Variants in PDE4D observed in about 807,000 individuals in gnomAD.
PDE4D encodes the protein phosphodiesterase 4D.
Under a neutral mutation model 87.4 loss-of-function variants are expected in PDE4D, and 24 were observed. The ratio of observed to expected loss-of-function variants is 0.27; its 90% CI spans 0.20 to 0.39. The LOEUF (loss-of-function observed/expected upper bound fraction) is 0.39. PDE4D is among the 10% of genes least tolerant of loss of function. The pLI, the probability that PDE4D is intolerant of heterozygous loss-of-function variation, is 1.00. For synonymous variants in PDE4D, 384 were observed against 383.2 expected (o/e 1.00, Z -0.02); for missense variants, 714 against 1,041.0 (o/e 0.69, Z 4.32).
intron 5 of PDE4D, among the ~76,000 whole-genome samples, chr5:59,074,102 T>C (rs1228058447): frequency 6.6e-6 from 1 of 152,164 alleles, no homozygotes; most frequent in African/African-American, 2.4e-5. Context: ...TAAACAAATA[T>C]ACTGATTCAA....
intron 1 of PDE4D, among the ~76,000 whole-genome samples, chr5:59,764,278 C>T (rs1242819542): frequency 6.6e-6 from 1 of 152,116 alleles, no homozygotes; most frequent in Non-Finnish European, 1.5e-5. Flanking sequence ...AAAAAAAATA[C>T]TAGCTTATAA....
intron 2 of PDE4D, among the ~76,000 whole-genome samples, chr5:60,063,288 T>C (rs1216002084): frequency 6.6e-6 from 1 of 152,164 alleles, no homozygotes. Flanking sequence ...AGTGATTCTT[T>C]CTTAACTTTA....
At chr5:60,428,701 C>A (rs1275374031) in intron 1 of PDE4D, among the ~76,000 whole-genome samples, 1 of 152,160 alleles carries the variant, frequency 6.6e-6, no homozygotes, top group Non-Finnish European at 1.5e-5. Context: ...ATGTAGGTAT[C>A]CTTGGCCCCA....
intron 5 of PDE4D, among the ~76,000 whole-genome samples, chr5:59,176,939 A>G (rs1783990393): frequency 6.6e-6 from 1 of 152,140 alleles, no homozygotes; most frequent in Non-Finnish European, 1.5e-5. Flanking sequence ...AAGCGCATCC[A>G]TTTTGGCCAA....
chr5:58,983,727 C>T (rs985348855), intron 11 of PDE4D, among the ~76,000 whole-genome samples: 1 of 152,184 alleles, frequency 6.6e-6, no homozygotes, highest in Non-Finnish European at 1.5e-5. Flanking sequence ...GGCCCATGTG[C>T]AGAGCAGCTT....
At chr5:60,058,586 G>A (rs1398349153) in intron 2 of PDE4D, among the ~76,000 whole-genome samples, 2 of 151,842 alleles carry the variant, frequency 1.3e-5, no homozygotes, top group South Asian at 2.1e-4. Context: ...GGGAAGAGAA[G>A]ATGAAATAAA....
intron 5 of PDE4D, among the ~76,000 whole-genome samples, chr5:59,048,476 T>G (rs1761054511): frequency 6.6e-6 from 1 of 152,316 alleles, no homozygotes; most frequent in Middle Eastern, 3.4e-3. Context: ...TCATTTATTA[T>G]CTGATTTCTG....
chr5:60,187,009 T>C (rs905502616), intron 1 of PDE4D, among the ~76,000 whole-genome samples: 13 of 152,092 alleles, frequency 8.5e-5, no homozygotes, highest in African/African-American at 3.1e-4. Flanking sequence ...AACAGCAAAG[T>C]AGAGGTAGAA....
At chr5:59,575,167 A>G (rs140969366) in intron 1 of PDE4D, among the ~76,000 whole-genome samples, 82 of 152,308 alleles carry the variant, frequency 5.4e-4, no homozygotes, top group African/African-American at 1.9e-3. Context: ...AAGAGATATT[A>G]GGGAGATGAT....
intron 1 of PDE4D, among the ~76,000 whole-genome samples, chr5:59,390,172 GAAAA>G (rs574685722): frequency 6.6e-6 from 1 of 151,928 alleles, no homozygotes; most frequent in East Asian, 1.9e-4. Flanking sequence ...TGAATTGTAA[GAAAA>G]AAAGAGAAGA....
At chr5:59,474,209 A>C (rs762266419) in intron 1 of PDE4D, among the ~76,000 whole-genome samples, 2 of 152,084 alleles carry the variant, frequency 1.3e-5, no homozygotes, top group Non-Finnish European at 2.9e-5. Context: ...CTAGTATTTT[A>C]TTTCTTTTAA....
intron 1 of PDE4D, among the ~76,000 whole-genome samples, chr5:59,442,095 T>C (rs577422856): frequency 9.2e-5 from 14 of 152,302 alleles, no homozygotes; most frequent in African/African-American, 3.1e-4. Context: ...AGATTATGGC[T>C]AGTTTTGTGT....
Position 58,977,303 on chromosome 5 carries a change from T to C in PDE4D, c.1595A>G (p.Glu532Gly). Residue 532 changes from glutamate to glycine, a missense_variant, in exon 12 of 15, where the codon GAG (glutamate) becomes GGG (glycine). Physicochemically the swap from Glu to Gly is moderately conservative, Grantham distance 98 (BLOSUM62 -2). This residue lies in a region of PDE4D where 26 missense variants were observed against 96.9 expected (regional missense o/e 0.27). Coordinates refer to ENST00000340635, the MANE Select transcript of PDE4D (RefSeq NM_001104631.2). Reference sequence around the variant, plus strand: ...AAAGCCCACAGCCAAATGATGGTTCTCTAAGACTGAGGAATCATTGTACAT... The same window carrying C: ...AAAGCCCACAGCCAAATGATGGTTCCCTAAGACTGAGGAATCATTGTACAT... ...ALMYNDSSVL[E>G]NHHLAVGFKL... 1 of 1,612,564 alleles carries C rather than the reference T, an allele frequency of 6.2e-7. No individual in the cohort carries two copies. The highest frequency in any genetic ancestry group is 8.5e-7 in the Non-Finnish European group (1 of 1,179,388).
chr5:59,108,146 T>G (rs949689936), intron 5 of PDE4D, among the ~76,000 whole-genome samples: 2 of 152,176 alleles, frequency 1.3e-5, no homozygotes, highest in South Asian at 2.1e-4. Flanking sequence ...AAACTGAAAC[T>G]GAGTGTTTAT....
chr5:59,324,572 G>T (rs1401873940), intron 1 of PDE4D, among the ~76,000 whole-genome samples: 1 of 152,148 alleles, frequency 6.6e-6, no homozygotes, highest in African/African-American at 2.4e-5. Context: ...GTAAAAAGAA[G>T]ATCCTCTTTT....
At chr5:59,437,146 G>C (rs1019869757) in intron 1 of PDE4D, among the ~76,000 whole-genome samples, 5 of 152,186 alleles carry the variant, frequency 3.3e-5, no homozygotes, top group African/African-American at 1.2e-4. Flanking sequence ...TGAATAAAAT[G>C]ATGCTCATTC....
At chr5:59,616,511 T>C (rs1049809208) in intron 1 of PDE4D, among the ~76,000 whole-genome samples, 40 of 152,228 alleles carry the variant, frequency 2.6e-4, no homozygotes, top group African/African-American at 7.7e-4. Flanking sequence ...GTGTTCCAAA[T>C]TGGCAACTCA....
intron 2 of PDE4D, among the ~76,000 whole-genome samples, chr5:60,016,309 G>A (rs11739695): frequency 0.42 from 64,147 of 151,922 alleles, 13,973 homozygotes; most frequent in Admixed American, 0.48. Flanking sequence ...AAATGCTAAC[G>A]ATCACCTGAG....
intron 9 of PDE4D, among the ~76,000 whole-genome samples, 194 bp from the exon 10 acceptor site, chr5:58,990,113 T>G (rs1452723901): frequency 6.6e-6 from 1 of 151,050 alleles, no homozygotes; most frequent in Non-Finnish European, 1.5e-5. Context: ...AAAACCAGAG[T>G]TGGGTTGTCC....
Sources: allele counts gnomAD v4.1 joint callset (sites outside exome capture counted in the v4.1 genomes callset), GRCh38; gene constraint gnomAD v4.1.1; regional missense constraint gnomAD v4.1.1; transcripts MANE v1.5; gene names NCBI Gene and HGNC (gene_info 2026-07-23, HGNC 2026-07-21).